ARL15: variants seen among roughly 807,000 people sequenced by gnomAD.
The protein encoded by ARL15 is ADP-ribosylation factor-like protein 15.
A neutral mutation model predicts 25.2 loss-of-function variants in ARL15; 19 were observed. The observed-to-expected ratio is 0.75, with a 90% confidence interval of 0.53 to 1.10. The LOEUF is 1.10. Among genes scored for constraint, ARL15 ranks in the 50% least tolerant of loss-of-function variants. The pLI is 0.00. For synonymous variants in ARL15, 94 were observed against 86.8 expected (o/e 1.08, Z -0.46); for missense variants, 220 against 246.0 (o/e 0.89, Z 0.71).
At chr5:54,307,082 C>A (rs1381033213) in intron 1 of ARL15, among the ~76,000 whole-genome samples, 1 of 152,048 alleles carries the variant, frequency 6.6e-6, no homozygotes, top group Non-Finnish European at 1.5e-5. Context: ...AAATGTTTAC[C>A]CAGAGACTTG....
At chr5:54,081,439 G>A (rs1437180404) in intron 4 of ARL15, among the ~76,000 whole-genome samples, 2 of 152,260 alleles carry the variant, frequency 1.3e-5, no homozygotes, top group East Asian at 3.9e-4. Context: ...TGGAAGACAT[G>A]AATCCTGGTA....
chr5:54,066,596 CAG>C (rs890920233), intron 4 of ARL15, among the ~76,000 whole-genome samples: 1 of 152,112 alleles, frequency 6.6e-6, no homozygotes, highest in African/African-American at 2.4e-5. Flanking sequence ...CTTTGATCCT[CAG>C]GGGACATTTG....
chr5:53,922,375 T>C (rs906851849), intron 4 of ARL15, among the ~76,000 whole-genome samples: 8 of 152,220 alleles, frequency 5.3e-5, no homozygotes, highest in African/African-American at 1.9e-4. Context: ...CTGTACCAGT[T>C]CATTTAGTCT....
chr5:53,896,043 G>GT (rs1306564248), intron 4 of ARL15, among the ~76,000 whole-genome samples: 2 of 151,780 alleles, frequency 1.3e-5, no homozygotes, highest in African/African-American at 4.8e-5. Context: ...ACTTTTTAAT[G>GT]TTTTTTTTGA....
chr5:54,083,203 G>A (rs1424598973), intron 4 of ARL15, among the ~76,000 whole-genome samples: 1 of 152,146 alleles, frequency 6.6e-6, no homozygotes, highest in Non-Finnish European at 1.5e-5. Context: ...TATTTCATGA[G>A]CAGTGCCTTC....
intron 4 of ARL15, among the ~76,000 whole-genome samples, chr5:53,940,882 T>C (rs1289412520): frequency 4.6e-5 from 7 of 152,204 alleles, no homozygotes; most frequent in Admixed American, 2.0e-4. Context: ...GTAGTTTTAT[T>C]ATTCTGTAAA....
At chr5:54,245,246 G>T (rs1296295316) in intron 1 of ARL15, among the ~76,000 whole-genome samples, 2 of 152,072 alleles carry the variant, frequency 1.3e-5, no homozygotes, top group East Asian at 3.9e-4. Flanking sequence ...CTGAATCTTA[G>T]CAGGAATTAC....
At chr5:54,221,291 G>A (rs1756367337) in intron 1 of ARL15, among the ~76,000 whole-genome samples, 2 of 152,134 alleles carry the variant, frequency 1.3e-5, no homozygotes, top group Admixed American at 1.3e-4. Context: ...GCTTTAATAG[G>A]GGTTTTACAC....
At chr5:53,915,588 T>C (rs1210177869) in intron 4 of ARL15, among the ~76,000 whole-genome samples, 2 of 152,194 alleles carry the variant, frequency 1.3e-5, no homozygotes, top group East Asian at 1.9e-4. Context: ...TTTTATTTTG[T>C]GGAGAATAGG....
intron 4 of ARL15, among the ~76,000 whole-genome samples, chr5:53,910,380 C>T (rs1478536671): frequency 2.0e-5 from 3 of 151,988 alleles, no homozygotes; most frequent in Non-Finnish European, 4.4e-5. Context: ...CATTTCAATA[C>T]TAGGGTCTCA....
intron 4 of ARL15, among the ~76,000 whole-genome samples, chr5:54,070,264 C>T (rs547031865): frequency 2.0e-5 from 3 of 151,872 alleles, no homozygotes; most frequent in African/African-American, 4.8e-5. Flanking sequence ...TGGTGCCGGG[C>T]GCCTGTAGTC....
chr5:53,928,851 C>T (rs758616517), intron 4 of ARL15, among the ~76,000 whole-genome samples: 17 of 152,138 alleles, frequency 1.1e-4, no homozygotes, highest in Admixed American at 3.9e-4. Flanking sequence ...TTAACCAATG[C>T]CGAGTCCACG....
chr5:54,208,665 T>A (rs974986812), intron 1 of ARL15, among the ~76,000 whole-genome samples: 3 of 152,066 alleles, frequency 2.0e-5, no homozygotes, highest in Admixed American at 6.5e-5. Context: ...AACTAAACCA[T>A]CAGTCATGAG....
At chr5:54,145,082 A>G (rs1753867631) in intron 3 of ARL15, among the ~76,000 whole-genome samples, 1 of 151,572 alleles carries the variant, frequency 6.6e-6, no homozygotes, top group African/African-American at 2.4e-5. Context: ...TTTTCTTACC[A>G]TTTTTTTCAT....
At chr5:53,891,599 T>C (rs1006272392) in intron 4 of ARL15, among the ~76,000 whole-genome samples, 15 of 152,168 alleles carry the variant, frequency 9.9e-5, no homozygotes, top group African/African-American at 3.6e-4. Flanking sequence ...TAGCTTATTT[T>C]TTCTGCATAG....
chr5:54,034,591 TA>T (rs1750107958), intron 4 of ARL15, among the ~76,000 whole-genome samples: 2 of 152,144 alleles, frequency 1.3e-5, no homozygotes, highest in South Asian at 4.1e-4. Context: ...ATTTCTGAAG[TA>T]AAACATAATT....
chr5:53,988,518 G>A (rs1452798270), intron 4 of ARL15, among the ~76,000 whole-genome samples: 1 of 152,016 alleles, frequency 6.6e-6, no homozygotes, highest in Non-Finnish European at 1.5e-5. Flanking sequence ...CACATCATTA[G>A]GAACAGGATA....
At chr5:54,200,538 A>C (rs545653428) in intron 1 of ARL15, among the ~76,000 whole-genome samples, 15 of 152,150 alleles carry the variant, frequency 9.9e-5, no homozygotes, top group Non-Finnish European at 2.9e-5. Context: ...ACAAGTGTTT[A>C]CAAACCAATT....
intron 4 of ARL15, among the ~76,000 whole-genome samples, chr5:53,927,101 CATT>C (rs1746056435): frequency 6.6e-6 from 1 of 152,168 alleles, no homozygotes; most frequent in African/African-American, 2.4e-5. Context: ...AGTACACTCA[CATT>C]GTTGTGCAAC....
Sources: gnomAD v4.1 joint callset for allele counts (sites outside exome capture counted in the v4.1 genomes callset) on GRCh38, gnomAD v4.1.1 for gene constraint, MANE v1.5 for transcripts, NCBI Gene and HGNC (gene_info 2026-07-23, HGNC 2026-07-21) for gene names.